The following EDARADD variants were observed in gnomAD, a reference collection of about 807,000 sequenced individuals.
EDARADD encodes EDAR associated via death domain.
A neutral mutation model predicts 25.6 loss-of-function variants in EDARADD; 20 were observed. The observed-to-expected ratio is 0.78, with a 90% CI of 0.55 to 1.14. The LOEUF (loss-of-function observed/expected upper bound fraction) is 1.14. Ranked by LOEUF, EDARADD falls within the 50% of genes most tolerant of loss-of-function variation. EDARADD has a pLI of 0.00. For synonymous variants in EDARADD, 86 were observed against 94.4 expected, an observed-to-expected ratio of 0.91 and a Z score of 0.52; for missense variants, 225 against 270.1, an observed-to-expected ratio of 0.83 and a Z score of 1.17.
At chr1:236,376,924 AGAG>A (rs1460808331) in intron 3 of EDARADD, among the ~76,000 whole-genome samples, 3 of 151,994 alleles carry the variant, frequency 2.0e-5, no homozygotes, top group Admixed American at 6.6e-5. Context: ...CCTCAAGCTC[AGAG>A]GAGATTTTTT....
upstream of EDARADD, among the ~76,000 whole-genome samples, chr1:236,392,662 GTATTTATT>G (rs1174202061): frequency 2.0e-5 from 3 of 150,226 alleles, no homozygotes; most frequent in African/African-American, 4.9e-5. Context: ...ATTTGTATTT[GTATTTATT>G]TATTTATTTA....
intron 4 of EDARADD, among the ~76,000 whole-genome samples, chr1:236,432,107 T>C (rs1289919172): frequency 6.6e-6 from 1 of 152,110 alleles, no homozygotes; most frequent in African/African-American, 2.4e-5. Context: ...TTAATTACTT[T>C]AACGACATGC....
intron 3 of EDARADD, among the ~76,000 whole-genome samples, chr1:236,367,084 C>CAAAAAAA (rs753983803): frequency 3.2e-5 from 2 of 61,920 alleles, no homozygotes; most frequent in Non-Finnish European, 6.0e-5. Context: ...ACTCCATCGC[C>CAAAAAAA]AAAAAAAAAA....
chr1:236,470,580 A>C (rs1164136671), intron 5 of EDARADD, among the ~76,000 whole-genome samples: 1 of 152,160 alleles, frequency 6.6e-6, no homozygotes, highest in Non-Finnish European at 1.5e-5. Flanking sequence ...GTCAAAATGA[A>C]CCACCAGAGT....
rs1023731788 is a variant in EDARADD at position 236,482,783 on chromosome 1, G to A, written c.*134G>A. 1 of 1,383,856 alleles carries A rather than the reference G, an allele frequency of 7.2e-7. No homozygotes were observed. The highest frequency in any genetic ancestry group is 1.0e-6 in the Non-Finnish European group (1 of 1,002,858). 85.7% of individuals were successfully genotyped at this position (1,383,856 alleles called of 1,614,324 possible). ...GTGGACACTGGTTTTCCCCAAAGCT[G>A]GCAGTTTTGTGGAGGGGTAGCTTGT... On this transcript the variant is annotated 3_prime_UTR_variant, in exon 6 of 6. Transcript: ENST00000334232.
At chr1:236,405,874 CTTCTTTCT>C (rs869205931) in intron 1 of EDARADD, among the ~76,000 whole-genome samples, 9 of 30,920 alleles carry the variant, frequency 2.9e-4, no homozygotes, top group Non-Finnish European at 3.7e-4. Context: ...TCCTTCCTTC[CTTCTTTCT>C]TTCTTTCTTT....
intron 4 of EDARADD, among the ~76,000 whole-genome samples, chr1:236,457,160 C>G (rs1320559896): frequency 6.6e-6 from 1 of 152,108 alleles, no homozygotes; most frequent in Non-Finnish European, 1.5e-5. Flanking sequence ...TCTGTTAATA[C>G]CTATGGGCTT....
intron 1 of EDARADD, among the ~76,000 whole-genome samples, chr1:236,397,820 C>T (rs958808388): frequency 2.0e-5 from 3 of 152,114 alleles, no homozygotes; most frequent in East Asian, 1.9e-4. Context: ...ATAAAATGAG[C>T]GCTCCTCCAT....
chr1:236,401,367 C>G (rs921666171), intron 1 of EDARADD, among the ~76,000 whole-genome samples: 25 of 152,284 alleles, frequency 1.6e-4, no homozygotes, highest in Non-Finnish European at 1.0e-4. Context: ...TCCTTGTTTT[C>G]TCTGAAAGGA....
chr1:236,357,310 T>C (rs2102990557), intron 3 of EDARADD, among the ~76,000 whole-genome samples: 1 of 152,264 alleles, frequency 6.6e-6, no homozygotes, highest in African/African-American at 2.4e-5. Flanking sequence ...AAATACTGCG[T>C]TAGTCTGTTT....
upstream of EDARADD, among the ~76,000 whole-genome samples, chr1:236,391,056 C>T (rs1667421417): frequency 6.6e-6 from 1 of 152,186 alleles, no homozygotes; most frequent in South Asian, 2.1e-4. Context: ...AAGTGATTCT[C>T]CCACCTCAGC....
chr1:236,450,048 C>A (rs1658668441), intron 4 of EDARADD, among the ~76,000 whole-genome samples: 1 of 151,704 alleles, frequency 6.6e-6, no homozygotes, highest in African/African-American at 2.4e-5. Flanking sequence ...TTGCAGTGAG[C>A]CGAGATTACA....
intron 3 of EDARADD, among the ~76,000 whole-genome samples, chr1:236,355,604 G>T (rs190118876): frequency 1.5e-3 from 218 of 146,748 alleles, no homozygotes; most frequent in Non-Finnish European, 2.5e-3. Context: ...CAGTCTCCCG[G>T]GTTCAGGTGA....
chr1:236,387,436 C>A (rs1301914888), intron 3 of EDARADD, among the ~76,000 whole-genome samples: 9 of 35,484 alleles, frequency 2.5e-4, no homozygotes, highest in Non-Finnish European at 3.0e-4. Context: ...CGCCTCTGCC[C>A]GGCCGCCCCT....
chr1:236,361,922 T>C (rs890569772), intron 3 of EDARADD, among the ~76,000 whole-genome samples: 1 of 152,028 alleles, frequency 6.6e-6, no homozygotes, highest in African/African-American at 2.4e-5. Flanking sequence ...TAGGGAAATA[T>C]TTAGGCATGG....
chr1:236,439,929 G>A (rs1056367467), intron 4 of EDARADD, among the ~76,000 whole-genome samples: 2 of 152,010 alleles, frequency 1.3e-5, no homozygotes, highest in African/African-American at 2.4e-5. Context: ...TCATGCCCAA[G>A]GTTAACTAGA....
intron 4 of EDARADD, among the ~76,000 whole-genome samples, chr1:236,462,898 A>G (rs926828192): frequency 6.6e-6 from 1 of 152,218 alleles, no homozygotes; most frequent in African/African-American, 2.4e-5. Flanking sequence ...TCTTAAGGAG[A>G]TGTTTGAAAC....
chr1:236,443,458 T>C (rs1658453838), intron 4 of EDARADD, among the ~76,000 whole-genome samples: 1 of 152,148 alleles, frequency 6.6e-6, no homozygotes, highest in Non-Finnish European at 1.5e-5. Flanking sequence ...AATATCAACA[T>C]TTACGGGAGT....
chr1:236,426,104 C>T (rs1290031821), intron 3 of EDARADD, among the ~76,000 whole-genome samples: 2 of 152,116 alleles, frequency 1.3e-5, no homozygotes, highest in Non-Finnish European at 2.9e-5. Flanking sequence ...CTCTCAGCCT[C>T]CCAAGTAGCT....
Sources: gnomAD v4.1 joint callset for allele counts (sites outside exome capture counted in the v4.1 genomes callset) on GRCh38, gnomAD v4.1.1 for gene constraint, MANE v1.5 for transcripts, NCBI Gene and HGNC (gene_info 2026-07-23, HGNC 2026-07-21) for gene names.